Variants in EMILIN1 observed in about 807,000 individuals in gnomAD.
The protein encoded by EMILIN1 is EMILIN-1.
EMILIN1 carries 49 observed loss-of-function variants against 82.4 expected under a neutral mutation model. The ratio of observed to expected loss-of-function variants is 0.59; its 90% CI spans 0.47 to 0.75. The LOEUF (loss-of-function observed/expected upper bound fraction) is 0.75. EMILIN1 is among the 30% of genes least tolerant of loss of function. The pLI, the probability that EMILIN1 is intolerant of heterozygous loss-of-function variation, is 0.00. For synonymous variants in EMILIN1, 604 were observed against 602.2 expected (o/e 1.00, Z -0.04); for missense variants, 1,313 against 1,366.4 (o/e 0.96, Z 0.62).
At chr2:27,081,402 C>A (rs1669474283) in intron 3 of EMILIN1, among the ~76,000 whole-genome samples, 1 of 152,142 alleles carries the variant, frequency 6.6e-6, no homozygotes, top group African/African-American at 2.4e-5. Flanking sequence ...GACCGCAGGT[C>A]CCAGCATGCA....
chr2:27,080,637 C>G, intron 2 of EMILIN1, 95 bp from the exon 3 acceptor site: 1 of 1,037,738 alleles, frequency 9.6e-7, no homozygotes, highest in Non-Finnish European at 1.4e-6. Flanking sequence ...GAGGGACAGG[C>G]CATGCCCACC....
Position 27,086,225 on chromosome 2 carries a change from C to A in EMILIN1, c.*210C>A, listed in dbSNP as rs928106083. The A allele has an allele frequency of 1.3e-5, 5 of 381,442 alleles. No individual in the cohort carries two copies. The highest frequency in any genetic ancestry group is 1.8e-5 in the Non-Finnish European group (4 of 216,662). 23.6% of individuals were successfully genotyped at this position (381,442 alleles called of 1,614,324 possible). ...CCGCCCATGCAGACTTTTGGCCTGG[C>A]GCGATCCCCCAAGAACCCCTCCAGG... On this transcript the variant is annotated 3_prime_UTR_variant, in exon 8 of 8. Coordinates refer to ENST00000380320, the MANE Select transcript of EMILIN1 (RefSeq NM_007046.4).
chr2:27,082,459 G>A lies in EMILIN1; in HGVS notation c.888G>A (p.Gln296=). 1 of 1,569,404 alleles carries A rather than the reference G, an allele frequency of 6.4e-7. No individual in the cohort carries two copies. Among genetic ancestry groups the A allele is most frequent in the Non-Finnish European group, 8.6e-7 (1 of 1,160,320 alleles). The change falls in exon 4 of 8, where the codon CAG becomes CAA. Residue 296 remains glutamine, a synonymous_variant. Transcript: ENST00000380320. The part of the protein sequence containing the change: ...PSEELLRQLE[Q]RLQESCSVCL... ...AGGAGCTGCTGCGGCAGCTGGAGCA[G>A]CGGTTGCAGGAGTCCTGCTCCGTGT...
rs570625059 is a variant in EMILIN1 at position 27,083,995 on chromosome 2, C to A, written c.2424C>A (p.Ser808Arg). 1 of 1,509,034 alleles carries A rather than the reference C, an allele frequency of 6.6e-7. No individual in the cohort carries two copies. The allele number at this position is 1,509,034 out of a possible 1,614,324, so 93.5% of individuals were successfully genotyped here. The part of the protein sequence containing the change: ...QLLEDRLHQL[S>R]LKDLTGPAGE... ...TGGAGGACCGTCTGCACCAGCTCAG[C>A]CTGAAGGACCTCACTGGTGAGGGGA... The change falls in exon 4 of 8, where the codon AGC becomes AGA. Residue 808 changes from serine to arginine, a missense_variant. Physicochemically the swap from Ser to Arg is moderately radical, Grantham distance 110. Coordinates refer to ENST00000380320, the MANE Select transcript of EMILIN1 (RefSeq NM_007046.4).
At position 27,081,394 on chromosome 2, in the gene EMILIN1, C is replaced by A. The variant is rs1350947261; in HGVS notation, c.511+442C>A. ...CAGACCCCTCCGTGGCCTCTGGAGA[C>A]CGCAGGTCCCAGCATGCAGCAGTTC... On this transcript the variant is annotated intron_variant, in intron 3 of 7. Transcript: ENST00000380320. 3.9e-5 allele frequency among the ~76,000 whole-genome samples: 6 copies of A among 152,292 alleles called. No individual in the cohort carries two copies. The East Asian group carries it at 1.2e-3, about 29-fold the overall frequency.
rs747715507 is a variant in EMILIN1, at chr2:27,080,225, A to G, written c.245A>G (p.Tyr82Cys). Residue 82 changes from tyrosine to cysteine, a missense_variant, in exon 2 of 8, where the codon TAC becomes TGC. Transcript: ENST00000380320. Reference sequence around the variant, plus strand: ...GATGGAGTGGAGACATATGTCAAGTACCAGCCTTGTGCCTGGGGCCAGCCC... The same window carrying G: ...GATGGAGTGGAGACATATGTCAAGTGCCAGCCTTGTGCCTGGGGCCAGCCC... ...LEDGVETYVK[Y>C]QPCAWGQPQC... 6.2e-7 allele frequency: 1 copy of G among 1,614,070 alleles called. No individual in the cohort carries two copies. The highest frequency in any genetic ancestry group is 8.5e-7 in the Non-Finnish European group (1 of 1,179,942).
intron 1 of EMILIN1, 63 bp downstream of exon 1, chr2:27,079,298 G>A (rs961070378): frequency 9.8e-5 from 133 of 1,351,178 alleles, no homozygotes; most frequent in Middle Eastern, 1.9e-4. Flanking sequence ...TGCCACCTCT[G>A]CCTGGCTCTC....
rs575505030 is a variant in EMILIN1, at chr2:27,082,535, C to T, written c.964C>T (p.Arg322Trp). Residue 322 changes from arginine (R) to tryptophan (W), a missense_variant, in exon 4 of 8, where the codon CGG (arginine) becomes TGG (tryptophan). Coordinates refer to ENST00000380320, the MANE Select transcript of EMILIN1 (RefSeq NM_007046.4). ...CCGGCAGCAGCAGGAGGACAGGGAGCGGCTGCGAGCGATGGAGAAGCTGCT... is the reference window on the plus strand; with the variant it reads ...CCGGCAGCAGCAGGAGGACAGGGAGTGGCTGCGAGCGATGGAGAAGCTGCT... ...FRRQQQEDRERLRAMEKLLAS... is the reference protein window; with the variant it reads ...FRRQQQEDREWLRAMEKLLAS... The T allele has an allele frequency of 3.8e-5, 58 of 1,542,600 alleles. No individual in the cohort carries two copies. The Admixed American group carries it at 4.9e-4, about 13-fold the overall frequency.
rs760017305 is a variant in EMILIN1 at position 27,080,849 on chromosome 2, G to T, written c.408G>T (p.Ala136=). The part of the protein sequence containing the change: ...GDDCAESPAP[A]LGPASSTPRP... ...ACTGTGCTGAGAGTCCCGCTCCAGC[G>T]CTGGGGCCTGCGTCTTCCACACCAC... Residue 136 remains alanine, a synonymous_variant, in exon 3 of 8, where the codon GCG becomes GCT. Transcript: ENST00000380320. The T allele has an allele frequency of 1.9e-6, 3 of 1,611,702 alleles. No homozygotes were observed. The highest frequency in any genetic ancestry group is 2.7e-5 in the African/African-American group (2 of 74,916).
In EMILIN1 at chr2:27,083,268, G is replaced by A. The variant is rs756629138; in HGVS notation, c.1697G>A (p.Arg566Gln). 12 of 1,612,804 alleles carry A rather than the reference G, an allele frequency of 7.4e-6. No homozygotes were observed. Among genetic ancestry groups the A allele is most frequent in the Admixed American group, 5.0e-5 (3 of 59,996 alleles). Residue 566 changes from arginine to glutamine, a missense_variant, in exon 4 of 8, where the codon CGG (arginine) becomes CAG (glutamine). Transcript: ENST00000380320. ...FTLRLNLTAARLGQLEGLLQA... is the reference protein window; with the variant it reads ...FTLRLNLTAAQLGQLEGLLQA... ...CTACGGCTGAATCTCACTGCGGCCC[G>A]GCTAGGCCAACTGGAGGGGCTGCTG... is the stretch of plus-strand genomic sequence containing the variant.
chr2:27,081,537 A>C (rs1669476897), intron 3 of EMILIN1, among the ~76,000 whole-genome samples: 1 of 152,102 alleles, frequency 6.6e-6, no homozygotes, highest in Non-Finnish European at 1.5e-5. Flanking sequence ...CCGTCCACAG[A>C]GCCTCTTCTT....
chr2:27,084,413 A>C lies in EMILIN1; in HGVS notation c.2441-2A>C, dbSNP rs1418955890. The C allele has an allele frequency of 1.9e-6, 3 of 1,587,920 alleles. No homozygotes were observed. The highest frequency in any genetic ancestry group is 2.6e-6 in the Non-Finnish European group (3 of 1,159,910). ...TCCTTCAACTCAATTTTGTCACTGTAGGGCCTGCAGGAGAGGCTGGGCCCC... is the reference window on the plus strand; with the variant it reads ...TCCTTCAACTCAATTTTGTCACTGTCGGGCCTGCAGGAGAGGCTGGGCCCC... On this transcript the variant is annotated splice_acceptor_variant, in intron 4 of 7. Transcript: ENST00000380320. LOFTEE classifies it high-confidence loss of function.
intron 1 of EMILIN1, among the ~76,000 whole-genome samples, chr2:27,079,568 G>A (rs2148317128): frequency 6.6e-6 from 1 of 152,278 alleles, no homozygotes; most frequent in East Asian, 1.9e-4. Context: ...GGGCTCCCTT[G>A]ACCCCATCCA....
rs377570034 is a variant in EMILIN1, at chr2:27,085,308, G to C, written c.2713+11G>C. The C allele has an allele frequency of 6.8e-6, 11 of 1,613,780 alleles. No homozygotes were observed. The African/African-American group carries it at 1.5e-4, about 22-fold the overall frequency. On this transcript the variant is annotated intron_variant, in intron 7 of 7. Transcript: ENST00000380320. ...ATGATCCAGAGACAGGTAGTCCTGG[G>C]AGGGGCTGGGTTGAACGGTTGGAGA...
At chr2:27,085,526 T>C (rs1669596134) in intron 7 of EMILIN1, 152 bp from the exon 8 acceptor site, 1 of 874,124 alleles carries the variant, frequency 1.1e-6, no homozygotes, top group Non-Finnish European at 1.7e-6. Flanking sequence ...CTGTTTTAAG[T>C]GCTGGGAATG....
chr2:27,083,808 G>T lies in EMILIN1; in HGVS notation c.2237G>T (p.Gly746Val), dbSNP rs759844096. 9 of 1,600,822 alleles carry T rather than the reference G, an allele frequency of 5.6e-6. No individual in the cohort carries two copies. Among genetic ancestry groups the T allele is most frequent in the Non-Finnish European group, 7.7e-6 (9 of 1,169,704 alleles). ...GACACTGTGGCTGGGGGACTGCAGGGCCTGCGCGAGGGCCTTTCCAGACAC... is the reference window on the plus strand; with the variant it reads ...GACACTGTGGCTGGGGGACTGCAGGTCCTGCGCGAGGGCCTTTCCAGACAC... ...RLDTVAGGLQGLREGLSRHVA... is the reference protein window; with the variant it reads ...RLDTVAGGLQVLREGLSRHVA... Residue 746 changes from glycine to valine, a missense_variant, in exon 4 of 8, where the codon GGC (glycine) becomes GTC (valine). Transcript: ENST00000380320.
chr2:27,082,790 C>G lies in EMILIN1; in HGVS notation c.1219C>G (p.Leu407Val). 2 of 1,546,624 alleles carry G rather than the reference C, an allele frequency of 1.3e-6. No individual in the cohort carries two copies. Among genetic ancestry groups the G allele is most frequent in the South Asian group, 2.4e-5 (2 of 84,996 alleles). The part of the protein sequence containing the change: ...PPGYTSLASR[L>V]SRLEDRFNST... ...AGGCTACACCAGCTTGGCCTCCCGCCTGTCTCGCCTGGAGGACCGCTTCAA... is the reference window on the plus strand; with the variant it reads ...AGGCTACACCAGCTTGGCCTCCCGCGTGTCTCGCCTGGAGGACCGCTTCAA... Residue 407 changes from leucine to valine, a missense_variant, in exon 4 of 8, where the codon CTG (leucine) becomes GTG (valine). Coordinates refer to ENST00000380320, the MANE Select transcript of EMILIN1 (RefSeq NM_007046.4).
intron 3 of EMILIN1, 55 bp from the exon 4 acceptor site, chr2:27,082,028 G>C (rs1387646754): frequency 6.7e-7 from 1 of 1,496,844 alleles, no homozygotes; most frequent in African/African-American, 1.4e-5. Context: ...GGGTGAGCAG[G>C]GGCCTTGAGC....
chr2:27,082,476 G>T lies in EMILIN1; in HGVS notation c.905G>T (p.Cys302Phe). 6.4e-7 allele frequency: 1 copy of T among 1,558,122 alleles called. No homozygotes were observed. Reference sequence around the variant, plus strand: ...CTGGAGCAGCGGTTGCAGGAGTCCTGCTCCGTGTGCCTGGCCGGGCTAGAT... The same window carrying T: ...CTGGAGCAGCGGTTGCAGGAGTCCTTCTCCGTGTGCCTGGCCGGGCTAGAT... The part of the protein sequence containing the change: ...RQLEQRLQES[C>F]SVCLAGLDGF... Residue 302 changes from cysteine (C) to phenylalanine (F), a missense_variant, in exon 4 of 8, where the codon TGC (cysteine) becomes TTC (phenylalanine). Transcript: ENST00000380320.
Sources: allele counts gnomAD v4.1 joint callset (sites outside exome capture counted in the v4.1 genomes callset), GRCh38; gene constraint gnomAD v4.1.1; transcripts MANE v1.5; gene names NCBI Gene and HGNC (gene_info 2026-07-23, HGNC 2026-07-21).